The following RAP1GAP variants were observed in gnomAD, a reference collection of about 807,000 sequenced individuals.
RAP1GAP encodes the protein rap1 GTPase-activating protein 1.
In RAP1GAP, 35 loss-of-function variants were observed where a neutral mutation model predicts 87.2. The ratio of observed to expected loss-of-function variants is 0.40; its 90% CI spans 0.31 to 0.53. The LOEUF is 0.53. Among genes scored for constraint, RAP1GAP ranks in the 20% least tolerant of loss-of-function variants. The pLI is 0.48. For synonymous variants in RAP1GAP, 375 were observed against 363.9 expected (o/e 1.03, Z -0.35); for missense variants, 734 against 898.9 (o/e 0.82, Z 2.35).
intron 13 of RAP1GAP, 44 bp from the exon 14 acceptor site, chr1:21,610,319 C>T (rs1416799910): frequency 6.2e-6 from 10 of 1,605,376 alleles, no homozygotes; most frequent in Admixed American, 1.7e-5. Context: ...CCAGAGGGGG[C>T]CCATGGGGGA....
At chr1:21,629,925 C>T (rs2093380253) in intron 2 of RAP1GAP, among the ~76,000 whole-genome samples, 1 of 152,284 alleles carries the variant, frequency 6.6e-6, no homozygotes, top group African/African-American at 2.4e-5. Context: ...ATCCTGTGGA[C>T]CTCCCCACAG....
At chr1:21,631,114 C>T (rs1277888246) in intron 2 of RAP1GAP, among the ~76,000 whole-genome samples, 1 of 152,224 alleles carries the variant, frequency 6.6e-6, no homozygotes, top group African/African-American at 2.4e-5. Context: ...CCCTGGTCTC[C>T]TCCTGGTCTT....
intron 1 of RAP1GAP, among the ~76,000 whole-genome samples, chr1:21,662,772 A>G (rs189904929): frequency 1.9e-4 from 29 of 152,254 alleles, no homozygotes; most frequent in African/African-American, 7.0e-4. Flanking sequence ...AGAGTCACAC[A>G]ACCCTCAATT....
chr1:21,661,032 G>A (rs1265927432), intron 1 of RAP1GAP, among the ~76,000 whole-genome samples: 3 of 152,062 alleles, frequency 2.0e-5, no homozygotes, highest in Non-Finnish European at 4.4e-5. Flanking sequence ...CAGGTGGATC[G>A]CCTGAGGTCA....
intron 23 of RAP1GAP, 80 bp downstream of exon 23, chr1:21,597,881 C>T: frequency 1.3e-6 from 2 of 1,504,316 alleles, no homozygotes; most frequent in Non-Finnish European, 1.8e-6. Context: ...TTGGTCGAGC[C>T]TCAGCTCCCA....
intron 2 of RAP1GAP, among the ~76,000 whole-genome samples, chr1:21,637,273 C>A (rs980687815): frequency 1.3e-5 from 2 of 151,318 alleles, no homozygotes; most frequent in African/African-American, 4.9e-5. Flanking sequence ...CCTCCCACCT[C>A]AGCCTCCCAA....
At chr1:21,624,058 T>C (rs927827904) in intron 3 of RAP1GAP, among the ~76,000 whole-genome samples, 1 of 152,208 alleles carries the variant, frequency 6.6e-6, no homozygotes, top group Non-Finnish European at 1.5e-5. Flanking sequence ...CTGAATATAT[T>C]TACAGACCAG....
intron 19 of RAP1GAP, 78 bp downstream of exon 19, chr1:21,602,726 G>C (rs1425129539): frequency 1.5e-6 from 2 of 1,319,910 alleles, no homozygotes; most frequent in Non-Finnish European, 2.1e-6. Context: ...ACTCCCTTCT[G>C]CCTGCCTTGC....
intron 11 of RAP1GAP, 75 bp from the exon 12 acceptor site, chr1:21,611,891 G>A (rs2078556114): frequency 2.0e-6 from 3 of 1,514,560 alleles, no homozygotes; most frequent in Non-Finnish European, 2.7e-6. Context: ...CTTGGACCCA[G>A]AGAGGGCCGG....
chr1:21,606,059 C>T lies in RAP1GAP; in HGVS notation c.1428+7G>A, dbSNP rs925715720. 62 of 1,575,114 alleles carry T rather than the reference C, an allele frequency of 3.9e-5. No homozygotes were observed. Among genetic ancestry groups the T allele is most frequent in the Non-Finnish European group, 5.0e-5 (58 of 1,161,998 alleles). On this transcript the variant is annotated splice_region_variant and intron_variant, in intron 18 of 24. Coordinates refer to ENST00000374765, the MANE Select transcript of RAP1GAP (RefSeq NM_002885.4). ...GGCCGGGGCCTGGGGAGGGGGAGGG[C>T]ACTCACTATTCCAGCCGCCTTGGCC...
intron 1 of RAP1GAP, among the ~76,000 whole-genome samples, chr1:21,652,388 G>T (rs1267150172): frequency 6.6e-6 from 1 of 152,106 alleles, no homozygotes; most frequent in African/African-American, 2.4e-5. Context: ...CCAGGCCCTG[G>T]CGTACAGCAG....
rs991076816 is a variant in RAP1GAP at position 21,613,953 on chromosome 1, C to T, written c.395+33G>A. 1.3e-5 allele frequency: 19 copies of T among 1,493,894 alleles called. No individual in the cohort carries two copies. The Middle Eastern group carries it at 5.1e-4, about 40-fold the overall frequency. The allele number at this position is 1,493,894 out of a possible 1,614,324, so 92.5% of individuals were successfully genotyped here. On this transcript the variant is annotated intron_variant, in intron 8 of 24. Coordinates refer to ENST00000374765, the MANE Select transcript of RAP1GAP (RefSeq NM_002885.4). This position sits in a 1 kb window ranked among gnomAD's most constrained non-coding sequence, Gnocchi z 4.7. Reference sequence around the variant, plus strand: ...CTGAGATTGTAAGACCTCAGCCCTTCCTGCCATCTCAGGACTCCCCCACCA... The same window carrying T: ...CTGAGATTGTAAGACCTCAGCCCTTTCTGCCATCTCAGGACTCCCCCACCA...
At chr1:21,618,410 C>T (rs541619854) in intron 5 of RAP1GAP, among the ~76,000 whole-genome samples, 1 of 152,202 alleles carries the variant, frequency 6.6e-6, no homozygotes, top group African/African-American at 2.4e-5. Flanking sequence ...GCCCACTCCA[C>T]CAGGCCTGGT....
chr1:21,624,017 G>A (rs552388440), intron 3 of RAP1GAP, among the ~76,000 whole-genome samples: 2 of 152,346 alleles, frequency 1.3e-5, no homozygotes, highest in South Asian at 4.1e-4. Context: ...ATTTGTGTTT[G>A]TACATGTGTA....
intron 7 of RAP1GAP, among the ~76,000 whole-genome samples, chr1:21,616,277 G>A (rs979693386): frequency 6.6e-6 from 1 of 152,180 alleles, no homozygotes; most frequent in Non-Finnish European, 1.5e-5. Context: ...TAGTCATTGT[G>A]TGACCTTGAC....
chr1:21,668,692 G>A lies in RAP1GAP; in HGVS notation c.-149+562C>T, dbSNP rs180859957. ...GGGGGCGCCCAACTTCGTGACGCGT[G>A]TGCCCCGCTCTGCCGCGGGGGTCAG... On this transcript the variant is annotated intron_variant, in intron 1 of 24. Coordinates refer to ENST00000374765, the MANE Select transcript of RAP1GAP (RefSeq NM_002885.4). This position sits in a 1 kb window ranked among gnomAD's most constrained non-coding sequence, Gnocchi z 6.2. 2.0e-5 allele frequency: 3 copies of A among 152,246 alleles called. No homozygotes were observed. The highest frequency in any genetic ancestry group is 3.4e-3 in the Middle Eastern group (1 of 294). 9.4% of individuals were successfully genotyped at this position (152,246 alleles called of 1,614,324 possible).
At chr1:21,642,334 A>G (rs2095602979) in intron 2 of RAP1GAP, among the ~76,000 whole-genome samples, 1 of 152,258 alleles carries the variant, frequency 6.6e-6, no homozygotes, top group African/African-American at 2.4e-5. Flanking sequence ...GCATCGACGG[A>G]GTACGTGCTC....
chr1:21,607,002 G>A (rs1490320677), intron 17 of RAP1GAP, among the ~76,000 whole-genome samples: 2 of 152,202 alleles, frequency 1.3e-5, no homozygotes, highest in Admixed American at 1.3e-4. Flanking sequence ...CTTTCTCAAA[G>A]ACGATCTGTT....
chr1:21,647,709 C>T (rs1006918474), intron 2 of RAP1GAP, among the ~76,000 whole-genome samples: 3 of 152,182 alleles, frequency 2.0e-5, no homozygotes, highest in African/African-American at 7.2e-5. Flanking sequence ...CCACACCTGC[C>T]ATGCTCTTTC....
Sources: gnomAD v4.1 joint callset for allele counts (sites outside exome capture counted in the v4.1 genomes callset) on GRCh38, gnomAD v4.1.1 for gene constraint, Gnocchi (gnomAD v3.1) non-coding constraint, MANE v1.5 for transcripts, NCBI Gene and HGNC (gene_info 2026-07-23, HGNC 2026-07-21) for gene names.